Variants in MZT2B observed in about 807,000 individuals in gnomAD.
MZT2B encodes mitotic spindle organizing protein 2B, also known as mitotic-spindle organizing protein 2B.
In MZT2B, 11 loss-of-function variants were observed where a neutral mutation model predicts 12.1. The observed-to-expected ratio is 0.91, with a 90% CI of 0.57 to 1.50. MZT2B has a LOEUF of 1.50. Among genes scored for constraint, MZT2B ranks in the 40% most tolerant of loss-of-function variants. MZT2B has a pLI of 0.00. For synonymous variants in MZT2B, 85 were observed against 109.5 expected (o/e 0.78, Z 1.40); for missense variants, 209 against 227.7 (o/e 0.92, Z 0.53).
the MZT2B span, among the ~76,000 whole-genome samples, chr2:130,202,105 A>C: frequency 6.6e-6 from 1 of 152,112 alleles, no homozygotes; most frequent in Non-Finnish European, 1.5e-5. Context: ...GGACATGCCC[A>C]TTTTTACTGT....
At chr2:130,194,082 C>T (rs1369330640), downstream of MZT2B, 1 of 1,614,176 alleles carries the variant, frequency 6.2e-7, no homozygotes. Flanking sequence ...GTCTGGAATT[C>T]CGTCAAGTCC....
chr2:130,193,066 C>T (rs1311673245), downstream of MZT2B, among the ~76,000 whole-genome samples: 3 of 148,834 alleles, frequency 2.0e-5, no homozygotes, highest in African/African-American at 7.5e-5. Context: ...GCATTCCAAC[C>T]TGGACGACAG....
the MZT2B span, among the ~76,000 whole-genome samples, chr2:130,201,146 G>C: frequency 2.6e-5 from 4 of 152,234 alleles, no homozygotes; most frequent in African/African-American, 9.6e-5. Flanking sequence ...GGGGACCTCT[G>C]AACAGTGCAA....
At chr2:130,187,331 G>A (rs1690104750) in intron 2 of MZT2B, among the ~76,000 whole-genome samples, 1 of 152,056 alleles carries the variant, frequency 6.6e-6, no homozygotes, top group Non-Finnish European at 1.5e-5. Context: ...GGGACTACAG[G>A]TGCACACTAC....
At chr2:130,193,723 A>G (rs1288920368), downstream of MZT2B, 8 of 1,551,308 alleles carry the variant, frequency 5.2e-6, no homozygotes, top group Admixed American at 5.5e-5. Flanking sequence ...GTGGGCCTTC[A>G]AGGCCAGTGT....
chr2:130,181,950 G>C (rs2104950668), upstream of MZT2B: 4 of 1,407,624 alleles, frequency 2.8e-6, no homozygotes, highest in Non-Finnish European at 2.8e-6. Context: ...GGCATTTACC[G>C]AGCGCCCAAT....
chr2:130,182,346 C>A lies in MZT2B; in HGVS notation c.64C>A (p.Arg22=), dbSNP rs556026147. ...GGCGCCCCCGGGGCTGGAGGCGGCCCGGCAGAAGCTGGCGCTGCGGCGGAA... is the reference window on the plus strand; with the variant it reads ...GGCGCCCCCGGGGCTGGAGGCGGCCAGGCAGAAGCTGGCGCTGCGGCGGAA... ...SAAPPGLEAA[R]QKLALRRKKV... The change falls in exon 1 of 3, where the codon CGG becomes AGG. Residue 22 remains arginine (R), a synonymous_variant. Transcript: ENST00000281871. 2.0e-6 allele frequency: 3 copies of A among 1,533,012 alleles called. No individual in the cohort carries two copies. Among genetic ancestry groups the A allele is most frequent in the Non-Finnish European group, 2.6e-6 (3 of 1,144,838 alleles). The allele number at this position is 1,533,012 out of a possible 1,614,324, so 95.0% of individuals were successfully genotyped here.
chr2:130,193,105 A>T (rs553024212), downstream of MZT2B, among the ~76,000 whole-genome samples: 1 of 150,454 alleles, frequency 6.6e-6, no homozygotes, highest in African/African-American at 2.5e-5. Flanking sequence ...AAAAAAAAAA[A>T]TTACCCGGGC....
upstream of MZT2B, chr2:130,182,162 T>G: frequency 8.0e-7 from 1 of 1,257,836 alleles, no homozygotes. Context: ...GTCCCCGCGC[T>G]CCCGCCCCTC....
chr2:130,182,300 A>G lies in MZT2B; in HGVS notation c.18A>G (p.Val6=). ...CCGCGGGGATGGCGGCGCAGGGCGT[A>G]GGGCCTGGGCCGGGGTCGGCGGCGC... MAAQG[V]GPGPGSAAPP... is the part of the protein sequence containing the mutation. Residue 6 remains valine, a synonymous_variant, in exon 1 of 3, where the codon GTA becomes GTG. Coordinates refer to ENST00000281871, the MANE Select transcript of MZT2B (RefSeq NM_025029.5). 2 of 1,472,534 alleles carry G rather than the reference A, an allele frequency of 1.4e-6. No individual in the cohort carries two copies. The highest frequency in any genetic ancestry group is 2.4e-5 in the Admixed American group (1 of 41,370). The allele number at this position is 1,472,534 out of a possible 1,614,324, so 91.2% of individuals were successfully genotyped here. A position where few individuals can be genotyped will look rare whatever the true frequency, so the allele number is the denominator to read the frequency against.
In MZT2B at chr2:130,183,612, G is replaced by C. The variant is rs1336488031; in HGVS notation, c.319+837G>C. 1.6e-5 allele frequency: 17 copies of C among 1,086,992 alleles called. No individual in the cohort carries two copies. In the East Asian group the frequency reaches 4.1e-4, roughly 26 times the overall value. 67.3% of individuals were successfully genotyped at this position (1,086,992 alleles called of 1,614,324 possible). On this transcript the variant is annotated intron_variant, in intron 2 of 2. Transcript: ENST00000281871. Reference sequence around the variant, plus strand: ...GCTGGCTCCCTGCCTGGAAGCACGAGGAGACCCGCACAGGCATCCTGAGAA... The same window carrying C: ...GCTGGCTCCCTGCCTGGAAGCACGACGAGACCCGCACAGGCATCCTGAGAA...
At chr2:130,192,216 T>C, downstream of MZT2B, 1 of 1,519,780 alleles carries the variant, frequency 6.6e-7, no homozygotes. Flanking sequence ...AGACACCCTG[T>C]AGGTGACACG....
intron 2 of MZT2B, chr2:130,184,940 G>A: frequency 6.3e-6 from 6 of 957,320 alleles, no homozygotes; most frequent in Non-Finnish European, 6.2e-6. Flanking sequence ...CAAGGCAGGT[G>A]GATCCCTTGA....
the MZT2B span, chr2:130,204,110 T>A: frequency 7.8e-7 from 1 of 1,289,358 alleles, no homozygotes; most frequent in Non-Finnish European, 1.0e-6. Context: ...TAAGACTAAA[T>A]GTCCAGCCTT....
chr2:130,202,840 G>A, the MZT2B span, among the ~76,000 whole-genome samples: 8 of 152,164 alleles, frequency 5.3e-5, no homozygotes, highest in East Asian at 3.9e-4. Context: ...CAGTGACCTC[G>A]TCCTTCTCTC....
chr2:130,203,366 C>T, the MZT2B span, among the ~76,000 whole-genome samples: 1 of 152,158 alleles, frequency 6.6e-6, no homozygotes, highest in African/African-American at 2.4e-5. Flanking sequence ...CCTTTCCTCC[C>T]CATGTGGGAG....
At chr2:130,191,450 C>T (rs1690256475), downstream of MZT2B, among the ~76,000 whole-genome samples, 1 of 152,218 alleles carries the variant, frequency 6.6e-6, no homozygotes, top group Non-Finnish European at 1.5e-5. Context: ...ACACTTCATG[C>T]TCCCTTTTAG....
chr2:130,191,664 G>T, downstream of MZT2B: 1 of 1,270,430 alleles, frequency 7.9e-7, no homozygotes, highest in Non-Finnish European at 1.1e-6. Context: ...GGGCAGGCTG[G>T]CACCCCACCG....
intron 2 of MZT2B, among the ~76,000 whole-genome samples, chr2:130,189,301 C>T (rs1016408871): frequency 6.6e-6 from 1 of 152,142 alleles, no homozygotes; most frequent in Admixed American, 6.5e-5. Context: ...TTTCCACGTG[C>T]TTAGCAACAT....
Sources: gnomAD v4.1 joint callset for allele counts (sites outside exome capture counted in the v4.1 genomes callset) on GRCh38, gnomAD v4.1.1 for gene constraint, MANE v1.5 for transcripts, NCBI Gene and HGNC (gene_info 2026-07-23, HGNC 2026-07-21) for gene names.